NDST4: variants seen among roughly 807,000 people sequenced by gnomAD.
The protein encoded by NDST4 is N-heparan sulfate sulfotransferase 4.
Under a neutral mutation model 100.8 loss-of-function variants are expected in NDST4, and 63 were observed. The ratio of observed to expected loss-of-function variants is 0.62; its 90% CI spans 0.51 to 0.77. The LOEUF (loss-of-function observed/expected upper bound fraction) is 0.77. NDST4 is among the 30% of genes least tolerant of loss of function. The pLI, the probability that NDST4 is intolerant of heterozygous loss-of-function variation, is 0.00. For missense variants in NDST4, 943 were observed against 1,018.4 expected (o/e 0.93, Z 1.01); for synonymous variants, 377 against 361.8 (o/e 1.04, Z -0.48).
intron 2 of NDST4, among the ~76,000 whole-genome samples, chr4:115,027,166 T>C (rs1443192980): frequency 6.6e-6 from 1 of 152,170 alleles, no homozygotes; most frequent in African/African-American, 2.4e-5. Context: ...TAAGTTATTG[T>C]GTGTCGCTGC....
At chr4:115,102,320 A>G (rs1262610200) in intron 1 of NDST4, among the ~76,000 whole-genome samples, 1 of 152,180 alleles carries the variant, frequency 6.6e-6, no homozygotes, top group Non-Finnish European at 1.5e-5. Flanking sequence ...ATGAAACCAG[A>G]ATGTAGAAAT....
chr4:114,942,621 C>T (rs534089357), intron 4 of NDST4, among the ~76,000 whole-genome samples: 2 of 152,078 alleles, frequency 1.3e-5, no homozygotes, highest in East Asian at 3.9e-4. Context: ...GTCTAGGAAG[C>T]TTTTGATAAG....
intron 6 of NDST4, among the ~76,000 whole-genome samples, chr4:114,877,561 A>C (rs903484782): frequency 6.6e-6 from 1 of 152,350 alleles, no homozygotes; most frequent in South Asian, 2.1e-4. Context: ...TGTTCTATAA[A>C]TAAAAAGTAA....
intron 2 of NDST4, among the ~76,000 whole-genome samples, chr4:115,022,324 A>G (rs115695270): frequency 0.034 from 4,724 of 140,042 alleles, 240 homozygotes; most frequent in Middle Eastern, 0.074. Context: ...TGTGTTCCAC[A>G]TACATATGTG....
chr4:114,972,037 A>C (rs1726526480), intron 3 of NDST4, among the ~76,000 whole-genome samples: 1 of 152,044 alleles, frequency 6.6e-6, no homozygotes, highest in African/African-American at 2.4e-5. Context: ...TATACCTTAA[A>C]AATTCTATCT....
At chr4:114,955,636 G>A (rs1726123436) in intron 4 of NDST4, among the ~76,000 whole-genome samples, 1 of 152,196 alleles carries the variant, frequency 6.6e-6, no homozygotes, top group African/African-American at 2.4e-5. Flanking sequence ...GTGGTATGAG[G>A]AGCTCTGTGG....
At chr4:115,071,237 C>T (rs1382367815) in intron 2 of NDST4, among the ~76,000 whole-genome samples, 1 of 150,730 alleles carries the variant, frequency 6.6e-6, no homozygotes, top group Admixed American at 6.6e-5. Flanking sequence ...AGAATCTCTA[C>T]CTCAAAATAG....
chr4:114,872,558 C>T (rs72679790), intron 6 of NDST4, among the ~76,000 whole-genome samples: 10,883 of 151,962 alleles, frequency 0.072, 468 homozygotes, highest in East Asian at 0.13. Context: ...AGTCACACCT[C>T]ATCATGGTTG....
At chr4:114,996,131 C>T (rs1727156856) in intron 2 of NDST4, among the ~76,000 whole-genome samples, 2 of 151,878 alleles carry the variant, frequency 1.3e-5, no homozygotes, top group Non-Finnish European at 1.5e-5. Flanking sequence ...AATTGTAATC[C>T]CCATAATCTC....
chr4:114,888,346 C>T (rs567172545), intron 6 of NDST4, among the ~76,000 whole-genome samples: 7 of 152,054 alleles, frequency 4.6e-5, no homozygotes, highest in Non-Finnish European at 8.8e-5. Context: ...AGAAATGATA[C>T]ACCTGAGAAG....
intron 4 of NDST4, among the ~76,000 whole-genome samples, chr4:114,970,123 T>G (rs1464482421): frequency 1.3e-5 from 2 of 152,150 alleles, no homozygotes; most frequent in Non-Finnish European, 2.9e-5. Flanking sequence ...AGAATGAAAG[T>G]TGTACTATTT....
chr4:114,882,139 T>A (rs1306775499), intron 6 of NDST4, among the ~76,000 whole-genome samples: 1 of 115,286 alleles, frequency 8.7e-6, no homozygotes, highest in Non-Finnish European at 1.7e-5. Context: ...TTTAGAAGGA[T>A]TTTTTTTTTT....
chr4:114,952,668 G>A (rs963777338), intron 4 of NDST4, among the ~76,000 whole-genome samples: 1 of 152,108 alleles, frequency 6.6e-6, no homozygotes, highest in African/African-American at 2.4e-5. Context: ...AGGAATTGAC[G>A]AGAACCTTGG....
intron 8 of NDST4, among the ~76,000 whole-genome samples, chr4:114,852,512 G>A (rs1723699303): frequency 6.6e-6 from 1 of 152,102 alleles, no homozygotes; most frequent in Admixed American, 6.5e-5. Flanking sequence ...AAAGAATTTA[G>A]TGTTTAAGGC....
chr4:115,038,812 CA>C lies in NDST4; in HGVS notation c.978+37246del, dbSNP rs201564340. Among the ~76,000 whole-genome samples, 116 of 152,108 alleles carry C rather than the reference CA, an allele frequency of 7.6e-4. 2 individuals are homozygous for C. The East Asian group carries it at 0.022, about 29-fold the overall frequency. ...GCAACATAGTAAAACCCTGTGTCCA[CA>C]AAAAATACAAAAATTAATCAAGTGT... On this transcript the variant is annotated intron_variant, in intron 2 of 13. Transcript: ENST00000264363.
Position 114,916,536 on chromosome 4 carries a change from CTGTGTGTGTGTGTGTGTG to C in NDST4, c.1536+18652_1536+18669del, listed in dbSNP as rs537961796. 3.9e-3 allele frequency among the ~76,000 whole-genome samples: 508 copies of C among 129,112 alleles called. 4 individuals are homozygous for C. The highest frequency in any genetic ancestry group is 0.014 in the African/African-American group (482 of 34,282). The allele number at this position is 129,112 out of a possible 152,430, so 84.7% of individuals were successfully genotyped here. On this transcript the variant is annotated intron_variant, in intron 6 of 13. Transcript: ENST00000264363. ...AGATGTCACATTGTCCTGGTAGGCT[CTGTGTGTGTGTGTGTGTG>C]TGTGTGTGTGTGTGTGTGTGTGTGT...
At chr4:114,839,193 CCTTA>C (rs1421959617) in intron 11 of NDST4, among the ~76,000 whole-genome samples, 181 bp downstream of exon 11, 2 of 152,140 alleles carry the variant, frequency 1.3e-5, no homozygotes, top group Non-Finnish European at 2.9e-5. Flanking sequence ...CACATTTCTT[CCTTA>C]CTTATCATTG....
chr4:115,069,164 T>C (rs911666510), intron 2 of NDST4, among the ~76,000 whole-genome samples: 2 of 152,152 alleles, frequency 1.3e-5, no homozygotes, highest in African/African-American at 4.8e-5. Flanking sequence ...TCAGGAAAAG[T>C]ATTTTAGTAA....
In NDST4 at chr4:115,103,236, C is replaced by G. The variant is rs532016032; in HGVS notation, c.-247+10208G>C. ...CTCTTTCTAAATTGTCACTTTAAATCTATAATACAAAAAGCTATAAATTTT... is the reference window on the plus strand; with the variant it reads ...CTCTTTCTAAATTGTCACTTTAAATGTATAATACAAAAAGCTATAAATTTT... On this transcript the variant is annotated intron_variant, in intron 1 of 13. Coordinates refer to ENST00000264363, the MANE Select transcript of NDST4 (RefSeq NM_022569.3). Among the ~76,000 whole-genome samples the G allele has an allele frequency of 2.9e-3, 439 of 152,116 alleles. 3 individuals carry two copies. The highest frequency in any genetic ancestry group is 4.6e-3 in the South Asian group (22 of 4,812).
Sources: allele counts gnomAD v4.1 joint callset (sites outside exome capture counted in the v4.1 genomes callset), GRCh38; gene constraint gnomAD v4.1.1; transcripts MANE v1.5; gene names NCBI Gene and HGNC (gene_info 2026-07-23, HGNC 2026-07-21).